Variants in TXNRD1 observed in about 807,000 individuals in gnomAD.
TXNRD1 encodes the protein thioredoxin reductase 1.
Under a neutral mutation model 80.3 loss-of-function variants are expected in TXNRD1, and 57 were observed. The observed-to-expected ratio is 0.71, with a 90% CI of 0.57 to 0.89. The LOEUF (loss-of-function observed/expected upper bound fraction) is 0.89, where lower values mean the gene tolerates loss of function less well. Among genes scored for constraint, TXNRD1 ranks in the 40% least tolerant of loss-of-function variants. TXNRD1 has a pLI of 0.00. For missense variants in TXNRD1, 730 were observed against 803.0 expected (o/e 0.91, Z 1.10); for synonymous variants, 291 against 285.2 (o/e 1.02, Z -0.20).
intron 16 of TXNRD1, among the ~76,000 whole-genome samples, chr12:104,347,725 A>G (rs989288660): frequency 6.6e-5 from 10 of 152,248 alleles, no homozygotes; most frequent in African/African-American, 2.4e-4. Context: ...ATTGAATACT[A>G]CAATATACAC....
At chr12:104,322,612 T>C (rs2035578186) in intron 10 of TXNRD1, among the ~76,000 whole-genome samples, 1 of 151,986 alleles carries the variant, frequency 6.6e-6, no homozygotes, top group African/African-American at 2.4e-5. Flanking sequence ...ACTCCTGACC[T>C]CAAGTGGTCC....
At chr12:104,248,977 G>A (rs566611953) in intron 1 of TXNRD1, among the ~76,000 whole-genome samples, 47 of 152,232 alleles carry the variant, frequency 3.1e-4, no homozygotes, top group Admixed American at 3.9e-4. Flanking sequence ...CCACCGCCCC[G>A]GGCCCAGAGA....
chr12:104,281,309 AT>A (rs2033871434), intron 3 of TXNRD1, among the ~76,000 whole-genome samples: 1 of 151,164 alleles, frequency 6.6e-6, no homozygotes, highest in Admixed American at 6.6e-5. Flanking sequence ...CTTCAAATGT[AT>A]TTTTTAACCT....
At chr12:104,295,856 C>T (rs1465099318) in intron 4 of TXNRD1, among the ~76,000 whole-genome samples, 2 of 152,142 alleles carry the variant, frequency 1.3e-5, no homozygotes, top group Non-Finnish European at 2.9e-5. Flanking sequence ...TGCCTGTGGT[C>T]CCAGGCATAT....
chr12:104,274,718 TA>T (rs1045201934), intron 3 of TXNRD1, among the ~76,000 whole-genome samples: 2 of 138,390 alleles, frequency 1.4e-5, no homozygotes, highest in East Asian at 1.9e-4. Flanking sequence ...AAATTAATAA[TA>T]AAAAAAATAA....
intron 4 of TXNRD1, among the ~76,000 whole-genome samples, chr12:104,305,813 T>G (rs56139001): frequency 0.013 from 1,934 of 152,342 alleles, 36 homozygotes; most frequent in African/African-American, 0.041. Context: ...CCCTTTGTGG[T>G]CTTTGCTAGT....
chr12:104,319,907 A>G (rs1453229244), intron 9 of TXNRD1, among the ~76,000 whole-genome samples: 1 of 152,252 alleles, frequency 6.6e-6, no homozygotes, highest in Non-Finnish European at 1.5e-5. Flanking sequence ...CCAAATGGAT[A>G]TTCACAAACA....
In TXNRD1 at chr12:104,327,691, C is replaced by T. The variant is rs763417827; in HGVS notation, c.1542+20C>T. The T allele has an allele frequency of 7.9e-5, 127 of 1,611,606 alleles. 1 individual carries two copies. The South Asian group carries it at 8.5e-4, about 11-fold the overall frequency. ...GTCAAGGTGAGTGTTGTGCTTGTTGCCCATTAGATACTGTTGTCAGTAATA... is the reference window on the plus strand; with the variant it reads ...GTCAAGGTGAGTGTTGTGCTTGTTGTCCATTAGATACTGTTGTCAGTAATA... On this transcript the variant is annotated intron_variant, in intron 13 of 16. Coordinates refer to ENST00000525566, the MANE Select transcript of TXNRD1 (RefSeq NM_001093771.3).
intron 4 of TXNRD1, chr12:104,304,953 C>A: frequency 6.5e-7 from 1 of 1,548,424 alleles, no homozygotes. Flanking sequence ...CTTAGTATAG[C>A]ATCCTTTTTG....
At chr12:104,215,974 C>T (rs2032198006) in intron 1 of TXNRD1, 81 bp downstream of exon 1, 5 of 1,243,174 alleles carry the variant, frequency 4.0e-6, no homozygotes, top group Non-Finnish European at 4.5e-6. Context: ...ATAAAGTGCC[C>T]CGGAGCCCTG....
At chr12:104,297,522 C>T (rs1362003653) in intron 4 of TXNRD1, among the ~76,000 whole-genome samples, 12 of 151,866 alleles carry the variant, frequency 7.9e-5, no homozygotes, top group Admixed American at 5.2e-4. Context: ...TGCGCCACCA[C>T]GTCTGGCTAA....
intron 3 of TXNRD1, among the ~76,000 whole-genome samples, chr12:104,283,524 T>C (rs2033920107): frequency 1.3e-5 from 2 of 151,920 alleles, no homozygotes; most frequent in Non-Finnish European, 2.9e-5. Context: ...TGTTGGGATT[T>C]CAGCCGTGAG....
At chr12:104,339,774 G>GT (rs1482475485) in intron 16 of TXNRD1, among the ~76,000 whole-genome samples, 1 of 152,182 alleles carries the variant, frequency 6.6e-6, no homozygotes, top group African/African-American at 2.4e-5. Flanking sequence ...GTTGAATATT[G>GT]TAATACTTAA....
At position 104,299,721 on chromosome 12, in the gene TXNRD1, C is replaced by T. The variant is rs1435726866; in HGVS notation, c.414+10681C>T. ...GGTGTAGGTTGCAGTGAGCCGAGATCGTGCCATTGCACTCCAGCCTGGGTG... is the reference window on the plus strand; with the variant it reads ...GGTGTAGGTTGCAGTGAGCCGAGATTGTGCCATTGCACTCCAGCCTGGGTG... On this transcript the variant is annotated intron_variant, in intron 4 of 16. Coordinates refer to ENST00000525566, the MANE Select transcript of TXNRD1 (RefSeq NM_001093771.3). 2.7e-5 allele frequency among the ~76,000 whole-genome samples: 4 copies of T among 145,622 alleles called. No individual in the cohort carries two copies. The South Asian group carries it at 8.6e-4, about 31-fold the overall frequency.
At chr12:104,260,428 T>C (rs1049711410) in intron 3 of TXNRD1, among the ~76,000 whole-genome samples, 3 of 151,996 alleles carry the variant, frequency 2.0e-5, no homozygotes, top group African/African-American at 7.2e-5. Context: ...GATCACACCA[T>C]TGCACTCCAG....
intron 13 of TXNRD1, among the ~76,000 whole-genome samples, chr12:104,329,567 C>T (rs1351654839): frequency 4.0e-5 from 6 of 151,644 alleles, no homozygotes; most frequent in Admixed American, 1.3e-4. Context: ...AAGAATCACC[C>T]GAACTTGGGA....
chr12:104,259,103 G>T (rs554739382), intron 3 of TXNRD1, among the ~76,000 whole-genome samples: 1 of 152,262 alleles, frequency 6.6e-6, no homozygotes, highest in African/African-American at 2.4e-5. Context: ...AAAGGGCCTG[G>T]CATGGTGGCT....
At position 104,231,812 on chromosome 12, in the gene TXNRD1, G is replaced by A. The variant is rs563622705; in HGVS notation, c.91+15919G>A. On this transcript the variant is annotated intron_variant, in intron 1 of 16. Coordinates refer to ENST00000525566, the MANE Select transcript of TXNRD1 (RefSeq NM_001093771.3). ...CTACCATATTGATCTGGATTTTTAC[G>A]TTACCCATCCCTTTTTGTTTCTTCC... 1.0e-3 allele frequency among the ~76,000 whole-genome samples: 158 copies of A among 152,248 alleles called. 1 individual carries two copies. Among genetic ancestry groups the A allele is most frequent in the African/African-American group, 3.3e-3 (139 of 41,560 alleles).
At chr12:104,307,359 C>T (rs892568481) in intron 4 of TXNRD1, among the ~76,000 whole-genome samples, 8 of 152,200 alleles carry the variant, frequency 5.3e-5, no homozygotes, top group Admixed American at 3.3e-4. Flanking sequence ...GGAAGCTCAG[C>T]GGAGGACACC....
Sources: gnomAD v4.1 joint callset for allele counts (sites outside exome capture counted in the v4.1 genomes callset) on GRCh38, gnomAD v4.1.1 for gene constraint, MANE v1.5 for transcripts, NCBI Gene and HGNC (gene_info 2026-07-23, HGNC 2026-07-21) for gene names.